UGT2A1: variants seen among roughly 807,000 people sequenced by gnomAD.
UGT2A1 encodes the protein UDP glucuronosyltransferase family 2 member A1 complex locus.
In UGT2A1, 61 loss-of-function variants were observed where a neutral mutation model predicts 45.4. The ratio of observed to expected loss-of-function variants is 1.34; its 90% CI spans 1.09 to 1.66. The LOEUF is 1.66. Ranked by LOEUF, UGT2A1 falls within the 40% of genes most tolerant of loss-of-function variation. UGT2A1 has a pLI of 0.00. For missense variants in UGT2A1, 649 were observed against 574.3 expected (o/e 1.13, Z -1.33); for synonymous variants, 229 against 196.2 (o/e 1.17, Z -1.40).
intron 3 of UGT2A1, among the ~76,000 whole-genome samples, chr4:69,607,214 A>AACAGCATGGTACTGGTACCAAT (rs1719683935): frequency 6.6e-6 from 1 of 150,412 alleles, no homozygotes; most frequent in Admixed American, 6.6e-5. Context: ...CTGGTACCAA[A>AACAGCATGGTACTGGTACCAAT]ACAGAGATAA....
intron 3 of UGT2A1, among the ~76,000 whole-genome samples, chr4:69,624,972 A>G (rs2109943254): frequency 6.6e-6 from 1 of 151,012 alleles, no homozygotes; most frequent in South Asian, 2.1e-4. Context: ...GGTGGTCTAT[A>G]GAAGATTAAT....
intron 2 of UGT2A1, among the ~76,000 whole-genome samples, chr4:69,646,040 T>C (rs1481860119): frequency 2.0e-5 from 3 of 151,832 alleles, no homozygotes; most frequent in African/African-American, 7.2e-5. Flanking sequence ...AATACCTAAC[T>C]CCTCTACATT....
At chr4:69,611,812 C>T (rs1363642999) in intron 3 of UGT2A1, among the ~76,000 whole-genome samples, 1 of 152,106 alleles carries the variant, frequency 6.6e-6, no homozygotes, top group East Asian at 1.9e-4. Context: ...TGAAGATACA[C>T]AGTATGTTTT....
At chr4:69,621,342 A>T (rs562688576) in intron 3 of UGT2A1, among the ~76,000 whole-genome samples, 69 of 152,224 alleles carry the variant, frequency 4.5e-4, no homozygotes, top group African/African-American at 1.6e-3. Flanking sequence ...AAGGACATTA[A>T]CAGACAGTTT....
intron 2 of UGT2A1, chr4:69,639,065 A>C: frequency 1.2e-6 from 2 of 1,613,452 alleles, no homozygotes; most frequent in Non-Finnish European, 1.7e-6. Context: ...GGATTTTCCC[A>C]CAGTGTCTCT....
At chr4:69,600,314 G>T (rs894516619) in intron 3 of UGT2A1, among the ~76,000 whole-genome samples, 1 of 152,206 alleles carries the variant, frequency 6.6e-6, no homozygotes, top group Non-Finnish European at 1.5e-5. Context: ...CCAGACTCCA[G>T]CAGGGACAGA....
chr4:69,619,615 C>T (rs961916410), intron 3 of UGT2A1, among the ~76,000 whole-genome samples: 20 of 151,732 alleles, frequency 1.3e-4, no homozygotes, highest in African/African-American at 4.1e-4. Flanking sequence ...TTGTGTGAAA[C>T]TTAAACACAT....
intron 3 of UGT2A1, among the ~76,000 whole-genome samples, chr4:69,602,095 CA>C (rs568981529): frequency 7.4e-6 from 1 of 135,444 alleles, no homozygotes; most frequent in Non-Finnish European, 1.6e-5. Flanking sequence ...AATATTTTAA[CA>C]AAAGATATGA....
chr4:69,648,446 C>G (rs1028981989), intron 1 of UGT2A1, among the ~76,000 whole-genome samples: 5 of 151,888 alleles, frequency 3.3e-5, no homozygotes, highest in African/African-American at 1.2e-4. Context: ...CAAAAACTAT[C>G]TAGCCTGCAT....
chr4:69,645,358 C>G (rs1722207824), intron 2 of UGT2A1, among the ~76,000 whole-genome samples: 1 of 151,726 alleles, frequency 6.6e-6, no homozygotes, highest in Non-Finnish European at 1.5e-5. Flanking sequence ...TTGGGCCACA[C>G]TATTCTAAAA....
chr4:69,650,338 G>T (rs1722465778), intron 1 of UGT2A1, among the ~76,000 whole-genome samples: 1 of 151,964 alleles, frequency 6.6e-6, no homozygotes, highest in South Asian at 2.1e-4. Flanking sequence ...GTCTATCAGT[G>T]GAAGATAAGA....
chr4:69,606,002 G>C lies in UGT2A1; in HGVS notation c.848-6608C>G, dbSNP rs1349997689. On this transcript the variant is annotated intron_variant, in intron 3 of 6. Transcript: ENST00000286604. ...TGAATTCTACCAGAAGTACAAGGAG[G>C]AGCTGGTACCATTCCTTCTGAAACT... 3.7e-5 allele frequency among the ~76,000 whole-genome samples: 5 copies of C among 136,368 alleles called. 1 individual carries two copies. Among genetic ancestry groups the C allele is most frequent in the Admixed American group, 3.6e-4 (5 of 13,874 alleles). 89.5% of individuals were successfully genotyped at this position (136,368 alleles called of 152,430 possible). A position where few individuals can be genotyped will look rare whatever the true frequency, so the allele number is the denominator to read the frequency against.
rs377270969 is a variant in UGT2A1 at position 69,611,398 on chromosome 4, T to C, written c.848-12004A>G. Among the ~76,000 whole-genome samples the C allele has an allele frequency of 2.0e-4, 31 of 151,782 alleles. No individual in the cohort carries two copies. In the East Asian group the frequency reaches 3.3e-3, roughly 16 times the overall value. ...TAAGAAAATAGAGGTAACATTATAG[T>C]CTCAGAGAATGGAAGTCCTTTTCTA... On this transcript the variant is annotated intron_variant, in intron 3 of 6. Coordinates refer to ENST00000286604, the MANE Select transcript of UGT2A1 (RefSeq NM_001252275.3).
chr4:69,594,135 C>T (rs1215696005), intron 6 of UGT2A1, among the ~76,000 whole-genome samples: 1 of 151,708 alleles, frequency 6.6e-6, no homozygotes, highest in Non-Finnish European at 1.5e-5. Context: ...CTATCATACC[C>T]GGCTAAATTT....
At chr4:69,627,534 AAGAG>A (rs150318319) in intron 3 of UGT2A1, among the ~76,000 whole-genome samples, 2 of 139,582 alleles carry the variant, frequency 1.4e-5, no homozygotes, top group South Asian at 4.5e-4. Flanking sequence ...GAAAGAAAGA[AAGAG>A]AGAGAGAGAA....
intron 3 of UGT2A1, among the ~76,000 whole-genome samples, chr4:69,602,126 G>A (rs1719331490): frequency 1.5e-5 from 2 of 136,176 alleles, no homozygotes; most frequent in South Asian, 2.4e-4. Context: ...ACTCATTATA[G>A]TAATGAAATG....
chr4:69,621,297 T>G (rs1386302132), intron 3 of UGT2A1, among the ~76,000 whole-genome samples: 4 of 151,758 alleles, frequency 2.6e-5, no homozygotes, highest in Admixed American at 1.3e-4. Flanking sequence ...TAAACAAACT[T>G]ACAAGAAAGA....
At chr4:69,589,891 C>A (rs370288222) in intron 6 of UGT2A1, among the ~76,000 whole-genome samples, 1 of 152,036 alleles carries the variant, frequency 6.6e-6, no homozygotes, top group Non-Finnish European at 1.5e-5. Context: ...TAGAGTAAGC[C>A]AGTTGTAAAT....
In UGT2A1 at chr4:69,647,659, CAGA is replaced by C. The variant is rs1382984525; in HGVS notation, c.-18_-16del. The C allele has an allele frequency of 6.7e-7, 1 of 1,498,762 alleles. No individual in the cohort carries two copies. The highest frequency in any genetic ancestry group is 2.2e-5 in the Admixed American group (1 of 45,024). 92.8% of individuals were successfully genotyped at this position (1,498,762 alleles called of 1,614,324 possible). ...TTGTTTAACATGATGTGGCTTGATG[CAGA>C]AGATTTGATGAGATGTGAAGCAAAT... is the stretch of plus-strand genomic sequence containing the variant. On this transcript the variant is annotated 5_prime_UTR_variant, in exon 2 of 7. Transcript: ENST00000286604.
Sources: allele counts gnomAD v4.1 joint callset (sites outside exome capture counted in the v4.1 genomes callset), GRCh38; gene constraint gnomAD v4.1.1; transcripts MANE v1.5; gene names NCBI Gene and HGNC (gene_info 2026-07-23, HGNC 2026-07-21).